The following CSMD2 variants were observed in gnomAD, a reference collection of about 807,000 sequenced individuals.
CSMD2 encodes CUB and sushi domain-containing protein 2.
CSMD2 carries 130 observed loss-of-function variants against 398.5 expected under a neutral mutation model. That is an observed-to-expected ratio of 0.33 (90% confidence interval 0.28 to 0.38). CSMD2 has a LOEUF of 0.38. Among genes scored for constraint, CSMD2 ranks in the 10% least tolerant of loss-of-function variants. The pLI, the probability that CSMD2 is intolerant of heterozygous loss-of-function variation, is 1.00. For missense variants in CSMD2, 3,829 were observed against 4,764.9 expected, an observed-to-expected ratio of 0.80 and a Z score of 5.78; for synonymous variants, 1,828 against 1,908.5, an observed-to-expected ratio of 0.96 and a Z score of 1.10.
intron 3 of CSMD2, among the ~76,000 whole-genome samples, chr1:33,971,112 G>A (rs1370275006): frequency 6.6e-6 from 1 of 152,240 alleles, no homozygotes; most frequent in South Asian, 2.1e-4. Context: ...GGTGTCTGCC[G>A]GGACTGGTGG....
At chr1:33,798,962 C>T (rs769731451) in intron 10 of CSMD2, among the ~76,000 whole-genome samples, 7 of 152,172 alleles carry the variant, frequency 4.6e-5, no homozygotes, top group Admixed American at 1.3e-4. Flanking sequence ...GCTAGAGTCC[C>T]GGGAGATGTA....
At chr1:34,089,251 G>A (rs187376132) in intron 1 of CSMD2, 58 bp from the exon 2 acceptor site, 4 of 1,477,658 alleles carry the variant, frequency 2.7e-6, no homozygotes, top group East Asian at 2.3e-5. Context: ...GAAGCTTCTA[G>A]AGAGTCAGGA....
At chr1:33,695,603 T>C (rs1385871296) in intron 24 of CSMD2, among the ~76,000 whole-genome samples, 1 of 152,190 alleles carries the variant, frequency 6.6e-6, no homozygotes, top group Non-Finnish European at 1.5e-5. Context: ...TTTGCCCACA[T>C]TGCTGGAGTC....
chr1:34,088,308 CG>C (rs1475313694), intron 2 of CSMD2, among the ~76,000 whole-genome samples: 3 of 152,196 alleles, frequency 2.0e-5, no homozygotes, highest in African/African-American at 7.2e-5. Context: ...GGCTGGCCTC[CG>C]GGTCACCTAG....
At chr1:33,973,175 CACACT>C (rs1210375172) in intron 3 of CSMD2, among the ~76,000 whole-genome samples, 1 of 152,238 alleles carries the variant, frequency 6.6e-6, no homozygotes. Context: ...CTCCCCTGCC[CACACT>C]ATCTGCCTTA....
At chr1:33,806,198 C>CCTATCT in intron 10 of CSMD2, among the ~76,000 whole-genome samples, 1 of 152,312 alleles carries the variant, frequency 6.6e-6, no homozygotes, top group African/African-American at 2.4e-5. Context: ...CTCCTTCTCA[C>CCTATCT]CTGTCACTAC....
intron 2 of CSMD2, among the ~76,000 whole-genome samples, chr1:34,045,734 T>C (rs1037458496): frequency 6.6e-6 from 1 of 152,180 alleles, no homozygotes; most frequent in African/African-American, 2.4e-5. Context: ...GGAGAAGCAC[T>C]ACGTTCAGAA....
chr1:33,728,544 A>G (rs1267567049), intron 15 of CSMD2, among the ~76,000 whole-genome samples: 1 of 152,172 alleles, frequency 6.6e-6, no homozygotes. Flanking sequence ...TCCCTATTTT[A>G]TAGAGAAGAA....
At chr1:33,902,258 C>T (rs912095333) in intron 5 of CSMD2, among the ~76,000 whole-genome samples, 1 of 152,104 alleles carries the variant, frequency 6.6e-6, no homozygotes, top group African/African-American at 2.4e-5. Context: ...TCAGAAACTG[C>T]AGGGCTCCTG....
rs1654660709 is a variant in CSMD2, at chr1:33,525,154, T to G, written c.10235-111A>C. On this transcript the variant is annotated intron_variant, in intron 65 of 70. Transcript: ENST00000373381. ...CACTGGGATTGTTTCCTTTCCCCAA[T>G]GTCTACCATGTGAGGAAGGTGGTAG... 4 of 1,137,584 alleles carry G rather than the reference T, an allele frequency of 3.5e-6. No individual in the cohort carries two copies. The African/African-American group carries it at 6.1e-5, about 17-fold the overall frequency. 70.5% of individuals were successfully genotyped at this position (1,137,584 alleles called of 1,614,324 possible).
chr1:34,021,203 G>A (rs2148112507), intron 3 of CSMD2, among the ~76,000 whole-genome samples: 1 of 152,306 alleles, frequency 6.6e-6, no homozygotes, highest in Middle Eastern at 3.4e-3. Flanking sequence ...GTTTGGAAGT[G>A]TTCTCTCCCC....
intron 5 of CSMD2, among the ~76,000 whole-genome samples, chr1:33,898,598 C>T (rs1017466140): frequency 1.3e-5 from 2 of 152,086 alleles, no homozygotes; most frequent in African/African-American, 2.4e-5. Flanking sequence ...CTTTTCCAGC[C>T]GGGGCTAGGA....
chr1:33,606,126 A>T (rs766245603), intron 41 of CSMD2: 1 of 1,340,488 alleles, frequency 7.5e-7, no homozygotes, highest in Non-Finnish European at 9.9e-7. Context: ...AGATGCCTCC[A>T]TGGAAGCAGC....
At chr1:34,063,714 G>C (rs1021237530) in intron 2 of CSMD2, among the ~76,000 whole-genome samples, 1 of 152,176 alleles carries the variant, frequency 6.6e-6, no homozygotes, top group Admixed American at 6.5e-5. Flanking sequence ...ACCATTCTGG[G>C]GTCTGGAAGA....
At chr1:33,911,449 G>A (rs1410207633) in intron 5 of CSMD2, among the ~76,000 whole-genome samples, 2 of 152,152 alleles carry the variant, frequency 1.3e-5, no homozygotes, top group Non-Finnish European at 1.5e-5. Flanking sequence ...AATAATTAAA[G>A]CAAGATCATT....
intron 2 of CSMD2, among the ~76,000 whole-genome samples, chr1:34,066,134 C>T (rs539461205): frequency 1.3e-5 from 2 of 152,260 alleles, no homozygotes; most frequent in African/African-American, 4.8e-5. Flanking sequence ...TGAGAACACT[C>T]AGTGAGATGT....
intron 7 of CSMD2, among the ~76,000 whole-genome samples, chr1:33,824,978 T>A (rs1658618906): frequency 6.6e-6 from 1 of 152,022 alleles, no homozygotes; most frequent in African/African-American, 2.4e-5. Context: ...CCCAGAACCT[T>A]CCCCAGCCCT....
At chr1:33,753,871 C>T (rs1047407373) in intron 13 of CSMD2, among the ~76,000 whole-genome samples, 6 of 152,168 alleles carry the variant, frequency 3.9e-5, no homozygotes, top group Admixed American at 2.0e-4. Flanking sequence ...GGCCTGTTAC[C>T]CCTTTCTTTT....
intron 3 of CSMD2, among the ~76,000 whole-genome samples, chr1:34,019,941 T>C (rs918090606): frequency 6.6e-6 from 1 of 152,178 alleles, no homozygotes; most frequent in Non-Finnish European, 1.5e-5. Context: ...GTACCTAACA[T>C]GTGACAGGAC....
Sources: allele counts gnomAD v4.1 joint callset (sites outside exome capture counted in the v4.1 genomes callset), GRCh38; gene constraint gnomAD v4.1.1; transcripts MANE v1.5; gene names NCBI Gene and HGNC (gene_info 2026-07-23, HGNC 2026-07-21).